Variants in DACT2 observed in about 807,000 individuals in gnomAD.
The protein encoded by DACT2 is dishevelled binding antagonist of beta catenin 2, also known as dapper homolog 2.
Under a neutral mutation model 22.2 loss-of-function variants are expected in DACT2, and 20 were observed. The observed-to-expected ratio is 0.90, with a 90% CI of 0.63 to 1.31. DACT2 has a LOEUF of 1.31. Ranked by LOEUF, DACT2 falls within the 50% of genes most tolerant of loss-of-function variation. The probability of loss-of-function intolerance (pLI) is 0.00; values close to 1 mark genes in which losing one functional copy is unlikely to be tolerated. For missense variants in DACT2, 1,048 were observed against 1,061.4 expected, an observed-to-expected ratio of 0.99 and a Z score of 0.18; for synonymous variants, 463 against 479.8, an observed-to-expected ratio of 0.96 and a Z score of 0.46.
rs1779275443 is a variant in DACT2 at position 168,308,151 on chromosome 6, G to C, written c.1606C>G (p.Pro536Ala). 1 of 1,550,476 alleles carries C rather than the reference G, an allele frequency of 6.4e-7. No homozygotes were observed. Among genetic ancestry groups the C allele is most frequent in the African/African-American group, 1.4e-5 (1 of 72,996 alleles). ...AAPQPSLEWD[P>A]AHWPTGRGGL... Reference sequence around the variant, plus strand: ...CCCCTCCCTGTGGGCCAGTGGGCAGGGTCCCACTCCAGGGATGGCTGGGGG... The same window carrying C: ...CCCCTCCCTGTGGGCCAGTGGGCAGCGTCCCACTCCAGGGATGGCTGGGGG... Residue 536 changes from proline (P) to alanine (A), a missense_variant, in exon 4 of 4, where the codon CCT (proline) becomes GCT (alanine). Pro to Ala is a conservative substitution (Grantham distance 27). Coordinates refer to ENST00000366795, the MANE Select transcript of DACT2 (RefSeq NM_214462.5).
At chr6:168,294,668 G>A in exon 4 of DACT2, 1 of 1,496,172 alleles carries the variant, frequency 6.7e-7, no homozygotes, top group East Asian at 2.6e-5. Context: ...TGCAGGCGGA[G>A]CATGCATGTC....
chr6:168,305,988 C>T (rs1779196678), downstream of DACT2, among the ~76,000 whole-genome samples: 1 of 152,200 alleles, frequency 6.6e-6, no homozygotes, highest in South Asian at 2.1e-4. Flanking sequence ...GTGGTGTGCA[C>T]AGAGAACAGA....
intron 1 of DACT2, among the ~76,000 whole-genome samples, chr6:168,311,587 C>G (rs1217085131): frequency 1.8e-5 from 1 of 56,988 alleles, no homozygotes; most frequent in Non-Finnish European, 3.5e-5. Flanking sequence ...CACCCATCCA[C>G]ACACACACAT....
At chr6:168,311,992 C>G (rs1779432209) in intron 1 of DACT2, among the ~76,000 whole-genome samples, 1 of 152,178 alleles carries the variant, frequency 6.6e-6, no homozygotes, top group Non-Finnish European at 1.5e-5. Flanking sequence ...AACCTTTTGA[C>G]TTTTCAAGAA....
rs1164135716 is a variant in DACT2 at position 168,308,952 on chromosome 6, C to T, written c.805G>A (p.Gly269Ser). Residue 269 changes from glycine (G) to serine (S), a missense_variant, in exon 4 of 4, where the codon GGC becomes AGC. Gly to Ser is a moderately conservative substitution (Grantham distance 56). Coordinates refer to ENST00000366795, the MANE Select transcript of DACT2 (RefSeq NM_214462.5). ...CTGGGGTACGGGTACACCTCCCTGC[C>T]GCCCTGGGACACCAGGTCCTGCCGA... ...KYRQDLVSQGGREVYPYPSPL... is the reference protein window; with the variant it reads ...KYRQDLVSQGSREVYPYPSPL... 5 of 1,549,646 alleles carry T rather than the reference C, an allele frequency of 3.2e-6. No homozygotes were observed. Among genetic ancestry groups the T allele is most frequent in the East Asian group, 2.4e-5 (1 of 40,900 alleles).
chr6:168,311,230 G>T lies in DACT2; in HGVS notation c.301C>A (p.Leu101Met). 6.4e-7 allele frequency: 1 copy of T among 1,550,938 alleles called. No homozygotes were observed. Among genetic ancestry groups the T allele is most frequent in the East Asian group, 2.4e-5 (1 of 40,888 alleles). ...TCCAGCTGCAGCTTGCTAATCTGCA[G>T]GTCCAGCTGGTCCAGGTGGGTCTTC... ...GLKTHLDQLD[L>M]QISKLQLDVG... Residue 101 changes from leucine to methionine, a missense_variant, in exon 2 of 4, where the codon CTG becomes ATG. Leu to Met is a conservative substitution (Grantham distance 15, BLOSUM62 2). Transcript: ENST00000366795.
In DACT2 at chr6:168,307,163, T is replaced by C; in HGVS notation, c.*269A>G. ...ACAAGGTGCATGCCGGGAAGCAGCATCCTGGGCAGACCTTGAAAAGAGACA... is the reference window on the plus strand; with the variant it reads ...ACAAGGTGCATGCCGGGAAGCAGCACCCTGGGCAGACCTTGAAAAGAGACA... On this transcript the variant is annotated 3_prime_UTR_variant, in exon 4 of 4. Coordinates refer to ENST00000366795, the MANE Select transcript of DACT2 (RefSeq NM_214462.5). The surrounding 1 kb of genome is among the most constrained non-coding windows in gnomAD (Gnocchi z 5.3). The C allele has an allele frequency of 7.6e-7, 1 of 1,311,768 alleles. No homozygotes were observed. The highest frequency in any genetic ancestry group is 9.7e-7 in the Non-Finnish European group (1 of 1,030,452). 81.3% of individuals were successfully genotyped at this position (1,311,768 alleles called of 1,614,324 possible). A position where few individuals can be genotyped will look rare whatever the true frequency, so the allele number is the denominator to read the frequency against.
At position 168,309,046 on chromosome 6, in the gene DACT2, C is replaced by A. The variant is rs369761742; in HGVS notation, c.711G>T (p.Ala237=). 1.3e-6 allele frequency: 2 copies of A among 1,542,236 alleles called. No individual in the cohort carries two copies. The highest frequency in any genetic ancestry group is 2.4e-5 in the South Asian group (2 of 83,918). Residue 237 remains alanine (A), a synonymous_variant, in exon 4 of 4, where the codon GCG becomes GCT. Coordinates refer to ENST00000366795, the MANE Select transcript of DACT2 (RefSeq NM_214462.5). Reference sequence around the variant, plus strand: ...AGAGGAGCCCGAGGAGCTCGGCGTCCGCGCTGGCTTTCTGGAGCCCCGTGT... The same window carrying A: ...AGAGGAGCCCGAGGAGCTCGGCGTCAGCGCTGGCTTTCTGGAGCCCCGTGT... ...PADTGLQKAS[A]DAELLGLLCQ... is the part of the protein sequence containing the mutation.
downstream of DACT2, among the ~76,000 whole-genome samples, chr6:168,304,415 C>T (rs1214086884): frequency 6.6e-6 from 1 of 152,252 alleles, no homozygotes; most frequent in Non-Finnish European, 1.5e-5. Flanking sequence ...CTGCCACGCC[C>T]ATCAGCACCC....
Position 168,311,179 on chromosome 6 carries a change from G to A in DACT2, c.352C>T (p.Leu118=). ...GAGCTGGGCCTGCTGTCGCTGTCCA[G>A]GGCCTCCCCTGAGGCTGTGCCCACA... ...LDVGTASGEA[L]DSDSRPSSGF... is the part of the protein sequence containing the mutation. Residue 118 remains leucine, a synonymous_variant, in exon 2 of 4, where the codon CTG becomes TTG. Transcript: ENST00000366795. 1 of 1,544,734 alleles carries A rather than the reference G, an allele frequency of 6.5e-7. No homozygotes were observed. The highest frequency in any genetic ancestry group is 8.8e-7 in the Non-Finnish European group (1 of 1,142,814).
rs1480045930 is a variant in DACT2, at chr6:168,308,201, T to A, written c.1556A>T (p.Asp519Val). The change falls in exon 4 of 4, where the codon GAC (aspartate) becomes GTC (valine). Residue 519 changes from aspartate (D) to valine (V), a missense_variant. Transcript: ENST00000366795. ...GGCTGCATGGGCTCCCTCAGGCCTGTCCAGTAGAAGCAGCGGCTGCCTTGC... is the reference window on the plus strand; with the variant it reads ...GGCTGCATGGGCTCCCTCAGGCCTGACCAGTAGAAGCAGCGGCTGCCTTGC... ...RFARQPLLLLDRPEGAHAAPQ... is the reference protein window; with the variant it reads ...RFARQPLLLLVRPEGAHAAPQ... The A allele has an allele frequency of 6.4e-7, 1 of 1,551,526 alleles. No individual in the cohort carries two copies.
intron 3 of DACT2, among the ~76,000 whole-genome samples, chr6:168,309,673 C>A (rs1779344893): frequency 1.3e-5 from 2 of 152,214 alleles, no homozygotes; most frequent in African/African-American, 4.8e-5. Context: ...TGGAGGAAAC[C>A]ACGGGGCTTC....
downstream of DACT2, among the ~76,000 whole-genome samples, chr6:168,305,839 G>A (rs181773266): frequency 3.0e-3 from 459 of 152,338 alleles, 4 homozygotes; most frequent in Admixed American, 0.011. Flanking sequence ...CAATGCAGGT[G>A]TTTAGAAAGC....
intron 1 of DACT2, among the ~76,000 whole-genome samples, chr6:168,318,586 G>A (rs892551616): frequency 6.6e-6 from 1 of 152,166 alleles, no homozygotes. Flanking sequence ...TTGTCTTTAA[G>A]AAAATACAGC....
Position 168,319,720 on chromosome 6 carries a change from T to A in DACT2, c.-87A>T. ...GGATCCCGAGCTGTGTCGCGGGTCCTCCTGCGCCTCCTCTCTCCGCCCCCG... is the reference window on the plus strand; with the variant it reads ...GGATCCCGAGCTGTGTCGCGGGTCCACCTGCGCCTCCTCTCTCCGCCCCCG... On this transcript the variant is annotated 5_prime_UTR_variant, in exon 1 of 4. Transcript: ENST00000366795. 1.7e-6 allele frequency: 2 copies of A among 1,182,874 alleles called. No homozygotes were observed. Among genetic ancestry groups the A allele is most frequent in the Non-Finnish European group, 2.1e-6 (2 of 956,196 alleles). The allele number at this position is 1,182,874 out of a possible 1,614,324, so 73.3% of individuals were successfully genotyped here. A position where few individuals can be genotyped will look rare whatever the true frequency, so the allele number is the denominator to read the frequency against.
chr6:168,309,448 G>GTGTAGACACAGGGTGCGGGGCCGTTTGCA (rs1779338009), intron 3 of DACT2, among the ~76,000 whole-genome samples: 1 of 152,158 alleles, frequency 6.6e-6, no homozygotes, highest in Non-Finnish European at 1.5e-5. Context: ...GGCCGTTTGC[G>GTGTAGACACAGGGTGCGGGGCCGTTTGCA]TGTAGACACA....
chr6:168,307,943 T>C lies in DACT2; in HGVS notation c.1814A>G (p.Lys605Arg). Residue 605 changes from lysine (K) to arginine (R), a missense_variant, in exon 4 of 4, where the codon AAG becomes AGG. Lys to Arg is a conservative substitution (Grantham distance 26). Coordinates refer to ENST00000366795, the MANE Select transcript of DACT2 (RefSeq NM_214462.5). This position sits in a 1 kb window ranked among gnomAD's most constrained non-coding sequence, Gnocchi z 5.3. ...ASLLTSVARR[K>R]HRRWQSTVEI... ...CACGGTGGACTGCCAGCGGCGATGC[T>C]TCCTCCTGGCCACTGAGGTGAGCAG... The C allele has an allele frequency of 6.5e-7, 1 of 1,549,546 alleles. No individual in the cohort carries two copies.
downstream of DACT2, chr6:168,306,848 C>A (rs1779220110): frequency 1.0e-6 from 1 of 976,960 alleles, no homozygotes; most frequent in Admixed American, 6.0e-5. Context: ...GATGGGCAGG[C>A]ATGATGATTA....
At chr6:168,310,080 C>T (rs1779354662) in intron 3 of DACT2, 88 bp downstream of exon 3, 5 of 1,507,708 alleles carry the variant, frequency 3.3e-6, no homozygotes, top group South Asian at 1.3e-5. Flanking sequence ...GTGTAGGGTC[C>T]CCGGCTCTGC....
Sources: gnomAD v4.1 joint callset for allele counts (sites outside exome capture counted in the v4.1 genomes callset) on GRCh38, gnomAD v4.1.1 for gene constraint, Gnocchi (gnomAD v3.1) non-coding constraint, MANE v1.5 for transcripts, NCBI Gene and HGNC (gene_info 2026-07-23, HGNC 2026-07-21) for gene names.